Variants in NLGN1 observed in about 807,000 individuals in gnomAD.
NLGN1 encodes neuroligin 1.
Under a neutral mutation model 65.5 loss-of-function variants are expected in NLGN1, and 12 were observed. The observed-to-expected ratio is 0.18, with a 90% CI of 0.12 to 0.30. The LOEUF is 0.30. Among genes scored for constraint, NLGN1 ranks in the 10% least tolerant of loss-of-function variants. The probability of loss-of-function intolerance (pLI) is 1.00; values close to 1 mark genes in which losing one functional copy is unlikely to be tolerated. For synonymous variants in NLGN1, 350 were observed against 359.5 expected, an observed-to-expected ratio of 0.97 and a Z score of 0.30; for missense variants, 750 against 1,007.1, an observed-to-expected ratio of 0.74 and a Z score of 3.46.
intron 4 of NLGN1, among the ~76,000 whole-genome samples, chr3:174,136,857 G>A (rs1472373338): frequency 6.6e-6 from 1 of 152,076 alleles, no homozygotes; most frequent in Non-Finnish European, 1.5e-5. Flanking sequence ...AGCCATAAAT[G>A]TTACAGATGC....
At position 174,134,822 on chromosome 3, in the gene NLGN1, A is replaced by C. The variant is rs142119466; in HGVS notation, c.647-140493A>C. ...CCAGTGGAGACACAAGTGGGTGCCC[A>C]GGTAAAAGCAGAGGCGAAGGTCTAA... is the stretch of plus-strand genomic sequence containing the variant. On this transcript the variant is annotated intron_variant, in intron 4 of 6. Coordinates refer to ENST00000457714, the Ensembl canonical transcript of NLGN1. 4.0e-3 allele frequency among the ~76,000 whole-genome samples: 605 copies of C among 152,302 alleles called. 3 individuals are homozygous for C. The highest frequency in any genetic ancestry group is 0.014 in the African/African-American group (576 of 41,568).
At chr3:173,557,311 G>A (rs1741876786) in intron 2 of NLGN1, among the ~76,000 whole-genome samples, 1 of 151,956 alleles carries the variant, frequency 6.6e-6, no homozygotes, top group South Asian at 2.1e-4. Flanking sequence ...TGGCACCTGT[G>A]TTTCTATTTA....
At chr3:173,609,355 A>G (rs1751917165) in intron 3 of NLGN1, among the ~76,000 whole-genome samples, 1 of 151,964 alleles carries the variant, frequency 6.6e-6, no homozygotes, top group Admixed American at 6.6e-5. Context: ...TGGTACAGTC[A>G]TTTACTCTTT....
At chr3:174,181,778 TAC>T (rs3035853) in intron 4 of NLGN1, among the ~76,000 whole-genome samples, 77,329 of 142,412 alleles carry the variant, frequency 0.54, 21,049 homozygotes, top group East Asian at 0.74. Context: ...AAAATAAAAA[TAC>T]ACACACACAC....
chr3:174,055,993 A>G (rs1012529978), intron 4 of NLGN1, among the ~76,000 whole-genome samples: 1 of 151,956 alleles, frequency 6.6e-6, no homozygotes, highest in Non-Finnish European at 1.5e-5. Context: ...TTATCGAATA[A>G]GAGAGCAGAT....
chr3:173,811,311 C>T (rs949494435), intron 4 of NLGN1, among the ~76,000 whole-genome samples: 10 of 151,784 alleles, frequency 6.6e-5, no homozygotes, highest in Non-Finnish European at 1.5e-4. Flanking sequence ...CACCTGTAAT[C>T]CCAGCACCTT....
chr3:173,532,654 A>T (rs1248089806), intron 2 of NLGN1, among the ~76,000 whole-genome samples: 5 of 152,212 alleles, frequency 3.3e-5, no homozygotes, highest in African/African-American at 1.2e-4. Flanking sequence ...GAACACTTGA[A>T]ATGTAACTGG....
chr3:173,677,138 T>C (rs898586055), intron 3 of NLGN1, among the ~76,000 whole-genome samples: 8 of 151,718 alleles, frequency 5.3e-5, no homozygotes, highest in African/African-American at 1.7e-4. Context: ...AGGACCAGGG[T>C]AAGCTATACA....
chr3:173,626,113 A>C (rs1754784853), intron 3 of NLGN1, among the ~76,000 whole-genome samples: 1 of 152,080 alleles, frequency 6.6e-6, no homozygotes, highest in Non-Finnish European at 1.5e-5. Context: ...TTCTCTGACC[A>C]ATACAGTAGC....
intron 1 of NLGN1, among the ~76,000 whole-genome samples, chr3:173,431,775 A>T (rs1029914530): frequency 6.6e-6 from 1 of 152,176 alleles, no homozygotes. Context: ...GGTGTAGTAC[A>T]GTCAGTGGAT....
intron 4 of NLGN1, among the ~76,000 whole-genome samples, chr3:174,088,175 A>G (rs1351497484): frequency 6.6e-6 from 1 of 152,244 alleles, no homozygotes; most frequent in East Asian, 1.9e-4. Flanking sequence ...GACATTAGTA[A>G]CATAAGTGAA....
At position 173,747,059 on chromosome 3, in the gene NLGN1, TACACACACACAC is replaced by T. The variant is rs3033827; in HGVS notation, c.494-60599_494-60588del. ...TGCCTCAAAAAGAAAAAATTATATA[TACACACACACAC>T]ACACACACACACACACACACAAACA... On this transcript the variant is annotated intron_variant, in intron 3 of 6. Coordinates refer to ENST00000457714, the Ensembl canonical transcript of NLGN1. Among the ~76,000 whole-genome samples the T allele has an allele frequency of 3.0e-3, 391 of 130,400 alleles. 7 individuals are homozygous for T. The highest frequency in any genetic ancestry group is 0.01 in the African/African-American group (361 of 35,330). The allele number at this position is 130,400 out of a possible 152,430, so 85.5% of individuals were successfully genotyped here.
chr3:173,794,242 G>T (rs543693160), intron 3 of NLGN1, among the ~76,000 whole-genome samples: 1 of 152,004 alleles, frequency 6.6e-6, no homozygotes, highest in Non-Finnish European at 1.5e-5. Flanking sequence ...CTTTTTCCTT[G>T]ACACTTATCA....
At chr3:173,754,224 T>G (rs1776762362) in intron 3 of NLGN1, among the ~76,000 whole-genome samples, 1 of 151,748 alleles carries the variant, frequency 6.6e-6, no homozygotes, top group Non-Finnish European at 1.5e-5. Flanking sequence ...CTTTTGTAGT[T>G]TTTTGTAGAG....
intron 2 of NLGN1, among the ~76,000 whole-genome samples, chr3:173,552,390 T>A (rs1235341196): frequency 6.6e-6 from 1 of 152,042 alleles, no homozygotes; most frequent in Non-Finnish European, 1.5e-5. Context: ...CATCAGATAA[T>A]AATTGTTAGC....
intron 4 of NLGN1, among the ~76,000 whole-genome samples, chr3:174,031,033 A>G (rs755891314): frequency 2.0e-5 from 3 of 152,210 alleles, no homozygotes; most frequent in Admixed American, 2.0e-4. Flanking sequence ...GAAGGCTTAC[A>G]TATGGAAGAG....
intron 2 of NLGN1, among the ~76,000 whole-genome samples, chr3:173,504,379 T>C (rs182467114): frequency 6.8e-4 from 103 of 152,238 alleles, no homozygotes; most frequent in Middle Eastern, 6.8e-3. Context: ...ATGTGTGCTT[T>C]AGCGTTTTCA....
At chr3:174,022,581 C>T (rs912245121) in intron 4 of NLGN1, among the ~76,000 whole-genome samples, 4 of 152,124 alleles carry the variant, frequency 2.6e-5, no homozygotes, top group Admixed American at 6.6e-5. Flanking sequence ...AAGATACATA[C>T]GCCAACAGGC....
intron 4 of NLGN1, among the ~76,000 whole-genome samples, chr3:174,183,093 C>T (rs1179158736): frequency 1.3e-5 from 2 of 151,738 alleles, no homozygotes; most frequent in Non-Finnish European, 2.9e-5. Flanking sequence ...CCTGCATTCG[C>T]CCAGCTTCAC....
Sources: gnomAD v4.1 joint callset for allele counts (sites outside exome capture counted in the v4.1 genomes callset) on GRCh38, gnomAD v4.1.1 for gene constraint, MANE v1.5 for transcripts, NCBI Gene and HGNC (gene_info 2026-07-23, HGNC 2026-07-21) for gene names.